Variants in FSTL4 observed in about 807,000 individuals in gnomAD.
FSTL4 encodes follistatin-related protein 4.
FSTL4 carries 28 observed loss-of-function variants against 78.2 expected under a neutral mutation model. The observed-to-expected ratio is 0.36, with a 90% confidence interval of 0.27 to 0.49. The LOEUF is 0.49. Among genes scored for constraint, FSTL4 ranks in the 20% least tolerant of loss-of-function variants. FSTL4 has a pLI of 0.98. For synonymous variants in FSTL4, 422 were observed against 440.5 expected (o/e 0.96, Z 0.53); for missense variants, 922 against 1,084.9 (o/e 0.85, Z 2.11).
intron 3 of FSTL4, among the ~76,000 whole-genome samples, chr5:133,504,988 C>G (rs1257732745): frequency 1.3e-5 from 2 of 152,120 alleles, no homozygotes; most frequent in Non-Finnish European, 2.9e-5. Context: ...CAGATGTTGT[C>G]TTTATGCAGA....
At chr5:133,407,726 T>A (rs1756394621) in intron 3 of FSTL4, among the ~76,000 whole-genome samples, 1 of 152,238 alleles carries the variant, frequency 6.6e-6, no homozygotes, top group Non-Finnish European at 1.5e-5. Context: ...TTTCTACATA[T>A]TGTCTAATGT....
chr5:133,691,082 TA>T, the FSTL4 span, among the ~76,000 whole-genome samples: 1 of 152,214 alleles, frequency 6.6e-6, no homozygotes, highest in South Asian at 2.1e-4. Context: ...TCTTCCCCTT[TA>T]CCACATCGGT....
At chr5:133,382,843 C>A (rs1175509320) in intron 4 of FSTL4, among the ~76,000 whole-genome samples, 1 of 151,922 alleles carries the variant, frequency 6.6e-6, no homozygotes, top group East Asian at 1.9e-4. Flanking sequence ...TCAGACCTCA[C>A]AGGGAGGGCA....
At chr5:133,279,127 C>G in intron 6 of FSTL4, among the ~76,000 whole-genome samples, 1 of 152,190 alleles carries the variant, frequency 6.6e-6, no homozygotes, top group East Asian at 1.9e-4. Context: ...ACTGTGTGTT[C>G]TCTGTACTCC....
At chr5:133,782,955 GT>G in the FSTL4 span, among the ~76,000 whole-genome samples, 1 of 152,334 alleles carries the variant, frequency 6.6e-6, no homozygotes, top group South Asian at 2.1e-4. Context: ...GGACTTGCAG[GT>G]GGCGGCCTAG....
intron 6 of FSTL4, among the ~76,000 whole-genome samples, chr5:133,289,315 C>A (rs187027078): frequency 6.6e-6 from 1 of 152,318 alleles, no homozygotes; most frequent in East Asian, 1.9e-4. Flanking sequence ...TGAAGTAGAG[C>A]CCTTTCCTTC....
At chr5:133,200,978 A>G (rs1750301739) in intron 15 of FSTL4, among the ~76,000 whole-genome samples, 1 of 152,150 alleles carries the variant, frequency 6.6e-6, no homozygotes, top group Non-Finnish European at 1.5e-5. Flanking sequence ...CAGCTGCTTT[A>G]TGAGGGCTTC....
At chr5:133,357,842 C>T (rs1376277606) in intron 4 of FSTL4, among the ~76,000 whole-genome samples, 1 of 152,190 alleles carries the variant, frequency 6.6e-6, no homozygotes, top group African/African-American at 2.4e-5. Context: ...GCTAGGGCCA[C>T]AAAACACCTG....
chr5:133,209,380 T>C (rs1750630627), intron 14 of FSTL4, among the ~76,000 whole-genome samples: 1 of 152,148 alleles, frequency 6.6e-6, no homozygotes, highest in Non-Finnish European at 1.5e-5. Context: ...GCAGCCCTTC[T>C]CACCTTGGGT....
intron 3 of FSTL4, among the ~76,000 whole-genome samples, chr5:133,495,807 C>T (rs1009085432): frequency 6.6e-6 from 1 of 152,186 alleles, no homozygotes; most frequent in Non-Finnish European, 1.5e-5. Context: ...CTGAGAGCTC[C>T]TTTCCTGCAT....
chr5:133,441,863 G>T (rs1212426191), intron 3 of FSTL4, among the ~76,000 whole-genome samples: 1 of 152,192 alleles, frequency 6.6e-6, no homozygotes, highest in African/African-American at 2.4e-5. Flanking sequence ...TTTAGTCCAG[G>T]CTGGCAGGGC....
the FSTL4 span, among the ~76,000 whole-genome samples, chr5:133,624,097 C>T: frequency 6.6e-6 from 1 of 152,032 alleles, no homozygotes; most frequent in Admixed American, 6.6e-5. Context: ...AATTCCACCC[C>T]TAAGTATATG....
intron 3 of FSTL4, among the ~76,000 whole-genome samples, chr5:133,422,921 C>T (rs1756731265): frequency 1.3e-5 from 2 of 152,202 alleles, no homozygotes; most frequent in Admixed American, 1.3e-4. Flanking sequence ...GTTGTAATGT[C>T]TTAGAAACAA....
the FSTL4 span, among the ~76,000 whole-genome samples, chr5:133,716,631 A>G: frequency 2.6e-5 from 4 of 152,272 alleles, no homozygotes; most frequent in East Asian, 7.7e-4. Flanking sequence ...AACTTATTTT[A>G]TCTTGACTAA....
the FSTL4 span, among the ~76,000 whole-genome samples, chr5:133,685,862 G>A: frequency 8.5e-5 from 13 of 152,210 alleles, no homozygotes; most frequent in Admixed American, 2.0e-4. Context: ...TGTCCCAGCC[G>A]TGTCCCTGAG....
the FSTL4 span, among the ~76,000 whole-genome samples, chr5:133,838,857 T>A: frequency 6.6e-6 from 1 of 152,246 alleles, no homozygotes; most frequent in East Asian, 1.9e-4. Flanking sequence ...AAAAGCCACC[T>A]CTCAGTGCAG....
chr5:133,348,576 C>T (rs1754751077), intron 4 of FSTL4, among the ~76,000 whole-genome samples: 1 of 152,220 alleles, frequency 6.6e-6, no homozygotes, highest in African/African-American at 2.4e-5. Flanking sequence ...TGGCCAGGTG[C>T]AGGAGCTGAG....
chr5:133,561,004 G>A (rs1359701191), intron 3 of FSTL4, among the ~76,000 whole-genome samples: 1 of 151,164 alleles, frequency 6.6e-6, no homozygotes, highest in East Asian at 2.0e-4. Context: ...CAGGAGAATG[G>A]CGTGAACCCG....
chr5:133,800,178 G>T, the FSTL4 span, among the ~76,000 whole-genome samples: 1 of 138,728 alleles, frequency 7.2e-6, no homozygotes, highest in Non-Finnish European at 1.6e-5. Context: ...TTTTGGAAAG[G>T]TTGGTGCTGA....
Sources: gnomAD v4.1 joint callset for allele counts (sites outside exome capture counted in the v4.1 genomes callset) on GRCh38, gnomAD v4.1.1 for gene constraint, MANE v1.5 for transcripts, NCBI Gene and HGNC (gene_info 2026-07-23, HGNC 2026-07-21) for gene names.